ADAMTS7: variants seen among roughly 807,000 people sequenced by gnomAD.
ADAMTS7 encodes A disintegrin and metalloproteinase with thrombospondin motifs 7.
In ADAMTS7, 89 loss-of-function variants were observed where a neutral mutation model predicts 172.6. The observed-to-expected ratio is 0.52, with a 90% CI of 0.43 to 0.61. The LOEUF is 0.61. Among genes scored for constraint, ADAMTS7 ranks in the 20% least tolerant of loss-of-function variants. The pLI, the probability that ADAMTS7 is intolerant of heterozygous loss-of-function variation, is 0.00. For synonymous variants in ADAMTS7, 885 were observed against 978.4 expected (o/e 0.90, Z 1.78); for missense variants, 1,973 against 2,355.6 (o/e 0.84, Z 3.36).
rs779927144 is a variant in ADAMTS7, at chr15:78,771,465, A to T, written c.2376+120T>A. On this transcript the variant is annotated intron_variant, in intron 15 of 23. Coordinates refer to ENST00000388820, the MANE Select transcript of ADAMTS7 (RefSeq NM_014272.5). This position sits in a 1 kb window ranked among gnomAD's most constrained non-coding sequence, Gnocchi z 4.9. ...AGGCCGCAGCAGGAGGGCCTGGCTC[A>T]GAGCCAGGCTCTGTGACTGAACCAG... The T allele has an allele frequency of 5.9e-6, 9 of 1,529,064 alleles. No individual in the cohort carries two copies. In the African/African-American group the frequency reaches 1.2e-4, roughly 21 times the overall value. The allele number at this position is 1,529,064 out of a possible 1,614,324, so 94.7% of individuals were successfully genotyped here. A position where few individuals can be genotyped will look rare whatever the true frequency, so the allele number is the denominator to read the frequency against.
At chr15:78,804,679 C>T (rs1567244537) in intron 1 of ADAMTS7, among the ~76,000 whole-genome samples, 2 of 152,250 alleles carry the variant, frequency 1.3e-5, no homozygotes, top group South Asian at 4.1e-4. Context: ...ACAACCGCCG[C>T]AGCGATGCCA....
chr15:78,791,396 T>C (rs553665479), intron 4 of ADAMTS7, among the ~76,000 whole-genome samples, 173 bp from the exon 5 acceptor site: 13 of 145,874 alleles, frequency 8.9e-5, no homozygotes, highest in African/African-American at 3.3e-4. Context: ...TGTGCACCAA[T>C]GCATGAGTGT....
Position 78,807,451 on chromosome 15 carries a change from T to C in ADAMTS7, c.100+3670A>G, listed in dbSNP as rs557668259. ...ACTTACAAAGAAGCATCCTATTAAG[T>C]TCAAAAATGTGGACAGGGCTAAGTA... On this transcript the variant is annotated intron_variant, in intron 1 of 23. Transcript: ENST00000388820. Among the ~76,000 whole-genome samples, 13 of 152,334 alleles carry C rather than the reference T, an allele frequency of 8.5e-5. 1 individual carries two copies. In the South Asian group the frequency reaches 2.7e-3, roughly 32 times the overall value.
chr15:78,772,636 C>T (rs1287329799), intron 14 of ADAMTS7, among the ~76,000 whole-genome samples: 12 of 152,272 alleles, frequency 7.9e-5, no homozygotes, highest in South Asian at 4.1e-4. Flanking sequence ...CACAGCCCTC[C>T]GGGCCTCCCT....
intron 4 of ADAMTS7, among the ~76,000 whole-genome samples, chr15:78,793,788 C>T (rs942626094): frequency 9.9e-5 from 15 of 152,174 alleles, no homozygotes; most frequent in African/African-American, 3.4e-4. Context: ...CCTTCTGGCC[C>T]ACCCCGGCCA....
intron 23 of ADAMTS7, among the ~76,000 whole-genome samples, chr15:78,760,329 G>A (rs2055022885): frequency 6.6e-6 from 1 of 152,182 alleles, no homozygotes; most frequent in East Asian, 1.9e-4. Context: ...TGCTCCTGAT[G>A]CCACTGCCAC....
At chr15:78,760,682 A>T (rs1259349512) in intron 23 of ADAMTS7, among the ~76,000 whole-genome samples, 1 of 152,090 alleles carries the variant, frequency 6.6e-6, no homozygotes, top group Non-Finnish European at 1.5e-5. Flanking sequence ...AGCTTTCCAC[A>T]TGTCCCGCCA....
chr15:78,806,111 CACACACACACACACACAAAAAAAAAAAAA>C (rs2055786720), intron 1 of ADAMTS7, among the ~76,000 whole-genome samples: 1 of 14,584 alleles, frequency 6.9e-5, no homozygotes, highest in African/African-American at 1.5e-4. Flanking sequence ...CACACACACA[CACACACACACACACACAAAAAAAAAAAAA>C]AAAAAAAAAA....
intron 4 of ADAMTS7, among the ~76,000 whole-genome samples, chr15:78,794,609 A>AGGGCAAGGCAGCCAGGAAG (rs1381985561): frequency 6.6e-6 from 1 of 152,276 alleles, no homozygotes; most frequent in Non-Finnish European, 1.5e-5. Context: ...CCTATGAGCC[A>AGGGCAAGGCAGCCAGGAAG]GGGCAAGGCA....
Position 78,764,548 on chromosome 15 carries a change from C to T in ADAMTS7, c.4419+7G>A, listed in dbSNP as rs1336926663. ...GGAATGCCTGTCCTGGCTCCATCCT[C>T]ACGCACCTTACTCCAGTTGCCTGAG... On this transcript the variant is annotated splice_region_variant and intron_variant, in intron 20 of 23. Coordinates refer to ENST00000388820, the MANE Select transcript of ADAMTS7 (RefSeq NM_014272.5). 13 of 1,543,704 alleles carry T rather than the reference C, an allele frequency of 8.4e-6. No individual in the cohort carries two copies. The highest frequency in any genetic ancestry group is 1.1e-5 in the Non-Finnish European group (13 of 1,152,038).
intron 6 of ADAMTS7, among the ~76,000 whole-genome samples, chr15:78,790,097 T>C (rs1156698504): frequency 6.6e-6 from 1 of 152,200 alleles, no homozygotes; most frequent in East Asian, 1.9e-4. Context: ...GCAGGGGTGC[T>C]GACAGATGCC....
At chr15:78,792,208 C>T (rs1013470839) in intron 4 of ADAMTS7, among the ~76,000 whole-genome samples, 2 of 152,190 alleles carry the variant, frequency 1.3e-5, no homozygotes, top group Non-Finnish European at 2.9e-5. Context: ...CATGTGCCAC[C>T]GTCACCTCCA....
At chr15:78,765,470 C>T (rs1232620003) in intron 19 of ADAMTS7, among the ~76,000 whole-genome samples, 175 bp downstream of exon 19, 2 of 152,250 alleles carry the variant, frequency 1.3e-5, no homozygotes, top group Non-Finnish European at 1.5e-5. Context: ...CTGAGGCCCC[C>T]TGTGCTGCCC....
chr15:78,794,028 CGAGGCGGGCA>C (rs777805023), intron 4 of ADAMTS7, among the ~76,000 whole-genome samples: 4 of 151,906 alleles, frequency 2.6e-5, no homozygotes, highest in Admixed American at 6.6e-5. Flanking sequence ...TTTGGGAGGA[CGAGGCGGGCA>C]GAATAGCCTG....
intron 13 of ADAMTS7, among the ~76,000 whole-genome samples, chr15:78,773,522 G>A (rs1282638636): frequency 6.6e-6 from 1 of 151,800 alleles, no homozygotes; most frequent in African/African-American, 2.4e-5. Context: ...ACGGGCTCCT[G>A]AGCAGCGCGT....
intron 6 of ADAMTS7, 79 bp from the exon 7 acceptor site, chr15:78,789,917 C>T: frequency 1.3e-6 from 2 of 1,496,496 alleles, no homozygotes; most frequent in Non-Finnish European, 1.8e-6. Context: ...GGGAAGGGTC[C>T]CCCCGAATTG....
rs2055176587 is a variant in ADAMTS7 at position 78,767,520 on chromosome 15, G to C, written c.2718C>G (p.Leu906=). The change falls in exon 18 of 24, where the codon CTC becomes CTG. Residue 906 remains leucine (L), a synonymous_variant. Coordinates refer to ENST00000388820, the MANE Select transcript of ADAMTS7 (RefSeq NM_014272.5). ...GPGGLSRRAV[L]CIRSVGLDEQ... is the part of the protein sequence containing the mutation. ...CATCCAGCCCCACGCTGCGGATGCA[G>C]AGCACGGCCCGGCGGGAGAGGCCCC... 1 of 1,603,442 alleles carries C rather than the reference G, an allele frequency of 6.2e-7. No individual in the cohort carries two copies. The highest frequency in any genetic ancestry group is 1.3e-5 in the African/African-American group (1 of 74,776).
chr15:78,805,710 C>T (rs1271795547), intron 1 of ADAMTS7, among the ~76,000 whole-genome samples: 2 of 152,162 alleles, frequency 1.3e-5, no homozygotes, highest in Non-Finnish European at 2.9e-5. Context: ...TGGTATGTGA[C>T]CCTTGGCTAC....
intron 1 of ADAMTS7, among the ~76,000 whole-genome samples, chr15:78,800,892 G>A: frequency 6.6e-6 from 1 of 152,048 alleles, no homozygotes; most frequent in East Asian, 1.9e-4. Context: ...AGGCACACGC[G>A]ACCACGCCCA....
Sources: allele counts gnomAD v4.1 joint callset (sites outside exome capture counted in the v4.1 genomes callset), GRCh38; gene constraint gnomAD v4.1.1; non-coding constraint Gnocchi (gnomAD v3.1); transcripts MANE v1.5; gene names NCBI Gene and HGNC (gene_info 2026-07-23, HGNC 2026-07-21).